Variants in CNTN1 observed in about 807,000 individuals in gnomAD.
CNTN1 encodes the protein contactin 1.
A neutral mutation model predicts 126.4 loss-of-function variants in CNTN1; 38 were observed. The observed-to-expected ratio is 0.30, with a 90% CI of 0.23 to 0.39. CNTN1 has a LOEUF of 0.39. Ranked by LOEUF, CNTN1 falls within the 10% of genes least tolerant of loss-of-function variation. The pLI, the probability that CNTN1 is intolerant of heterozygous loss-of-function variation, is 1.00. For missense variants in CNTN1, 1,009 were observed against 1,248.4 expected, an observed-to-expected ratio of 0.81 and a Z score of 2.89; for synonymous variants, 413 against 422.6, an observed-to-expected ratio of 0.98 and a Z score of 0.28.
At chr12:40,707,752 A>C (rs955804349) in intron 1 of CNTN1, among the ~76,000 whole-genome samples, 3 of 152,318 alleles carry the variant, frequency 2.0e-5, no homozygotes, top group Non-Finnish European at 4.4e-5. Context: ...TGTGAGATGA[A>C]GAGGAAAATA....
At chr12:41,059,850 C>A (rs976864850) in intron 23 of CNTN1, among the ~76,000 whole-genome samples, 1 of 152,012 alleles carries the variant, frequency 6.6e-6, no homozygotes, top group Non-Finnish European at 1.5e-5. Flanking sequence ...CATTGTGAGA[C>A]CCTATATCTA....
intron 16 of CNTN1, among the ~76,000 whole-genome samples, chr12:40,986,958 A>T (rs1466485758): frequency 1.3e-5 from 2 of 152,190 alleles, no homozygotes; most frequent in African/African-American, 4.8e-5. Flanking sequence ...ATCTGTGACT[A>T]CAACCTTCTT....
intron 16 of CNTN1, among the ~76,000 whole-genome samples, chr12:40,986,790 T>G (rs1464359376): frequency 2.0e-5 from 3 of 152,168 alleles, no homozygotes; most frequent in Non-Finnish European, 4.4e-5. Context: ...CCCCAAAACT[T>G]TCTTGAGTAC....
At position 41,015,310 on chromosome 12, in the gene CNTN1, G is replaced by A. The variant is rs571233833; in HGVS notation, c.2184+1012G>A. On this transcript the variant is annotated intron_variant, in intron 18 of 23. Transcript: ENST00000551295. The stretch of plus-strand genomic sequence containing the variant: ...TAGAACATTTCGCTCTTTCTCTTAT[G>A]GCTTTTTATAAATTCTGTGGATATC... Among the ~76,000 whole-genome samples the A allele has an allele frequency of 7.9e-5, 12 of 152,146 alleles. No individual in the cohort carries two copies. In the East Asian group the frequency reaches 2.3e-3, roughly 29 times the overall value.
At chr12:40,906,684 G>GTTTTTTTTTTTTTTTTTTTTT (rs1349048425) in intron 1 of CNTN1, among the ~76,000 whole-genome samples, 4 of 123,790 alleles carry the variant, frequency 3.2e-5, no homozygotes, top group Admixed American at 8.8e-5. Flanking sequence ...TTTTTGTTTT[G>GTTTTTTTTTTTTTTTTTTTTT]TTTTTTTTGA....
At chr12:40,964,747 G>A (rs1947245781) in intron 15 of CNTN1, among the ~76,000 whole-genome samples, 1 of 152,024 alleles carries the variant, frequency 6.6e-6, no homozygotes. Context: ...TAAACTCTTG[G>A]ATAAGTTAAA....
chr12:40,929,197 G>T (rs912337155), intron 6 of CNTN1, among the ~76,000 whole-genome samples: 1 of 151,898 alleles, frequency 6.6e-6, no homozygotes, highest in African/African-American at 2.4e-5. Context: ...GGAATTTCAT[G>T]TGGGTAAGAG....
chr12:40,939,765 A>T (rs1946201982), intron 12 of CNTN1, among the ~76,000 whole-genome samples: 1 of 152,100 alleles, frequency 6.6e-6, no homozygotes, highest in African/African-American at 2.4e-5. Context: ...GCCCAATGTC[A>T]CACAGCTAAT....
At chr12:40,701,616 A>G (rs1415534751) in intron 1 of CNTN1, among the ~76,000 whole-genome samples, 5 of 152,164 alleles carry the variant, frequency 3.3e-5, no homozygotes, top group African/African-American at 1.2e-4. Context: ...GTGGTGTAAT[A>G]TAATTTAAAA....
intron 1 of CNTN1, among the ~76,000 whole-genome samples, chr12:40,815,713 T>A (rs1284383140): frequency 6.6e-6 from 1 of 152,202 alleles, no homozygotes. Flanking sequence ...AGAAAGGGCA[T>A]CCTTGTCTTG....
At chr12:41,032,897 T>C (rs1949177291) in intron 23 of CNTN1, among the ~76,000 whole-genome samples, 1 of 152,244 alleles carries the variant, frequency 6.6e-6, no homozygotes, top group Admixed American at 6.5e-5. Context: ...CTATCTGGCA[T>C]GTAGCAGGGT....
chr12:40,953,796 A>G (rs1321301170), intron 14 of CNTN1, among the ~76,000 whole-genome samples: 2 of 152,112 alleles, frequency 1.3e-5, no homozygotes, highest in Non-Finnish European at 2.9e-5. Context: ...AAGAATGACC[A>G]CATTATTCCT....
chr12:40,813,306 G>T (rs1403794365), intron 1 of CNTN1, among the ~76,000 whole-genome samples: 1 of 150,436 alleles, frequency 6.6e-6, no homozygotes, highest in South Asian at 2.1e-4. Flanking sequence ...ATGGTGGTTT[G>T]CTACACCTAT....
chr12:41,057,288 G>C (rs1027552834), intron 23 of CNTN1, among the ~76,000 whole-genome samples: 1 of 148,808 alleles, frequency 6.7e-6, no homozygotes, highest in Non-Finnish European at 1.5e-5. Context: ...TCTAAAGAAA[G>C]AGCCATGTAT....
At chr12:40,888,806 G>C (rs539637797) in intron 1 of CNTN1, among the ~76,000 whole-genome samples, 23 of 152,340 alleles carry the variant, frequency 1.5e-4, no homozygotes, top group African/African-American at 5.5e-4. Context: ...AACAAGCTGG[G>C]TGGCTTTCCA....
At chr12:40,912,648 A>G (rs904945551) in intron 3 of CNTN1, among the ~76,000 whole-genome samples, 7 of 152,050 alleles carry the variant, frequency 4.6e-5, no homozygotes, top group Non-Finnish European at 7.4e-5. Flanking sequence ...AAAAAAAACT[A>G]TCTTCATTGC....
intron 16 of CNTN1, among the ~76,000 whole-genome samples, chr12:40,987,832 C>A (rs1300153214): frequency 2.6e-5 from 4 of 152,042 alleles, no homozygotes; most frequent in Admixed American, 1.3e-4. Flanking sequence ...AGTTTTTATT[C>A]CCATCATCAG....
chr12:41,003,107 A>C (rs1017870379), intron 17 of CNTN1, among the ~76,000 whole-genome samples: 1 of 152,206 alleles, frequency 6.6e-6, no homozygotes, highest in Non-Finnish European at 1.5e-5. Flanking sequence ...TATTATTTTG[A>C]GGTATGTTCC....
chr12:41,005,192 T>C (rs1566125533), intron 17 of CNTN1: 1 of 152,198 alleles, frequency 6.6e-6, no homozygotes, highest in Non-Finnish European at 1.5e-5. Flanking sequence ...CTTATGAAGC[T>C]TAGTTTGGCT....
Sources: allele counts gnomAD v4.1 joint callset (sites outside exome capture counted in the v4.1 genomes callset), GRCh38; gene constraint gnomAD v4.1.1; transcripts MANE v1.5; gene names NCBI Gene and HGNC (gene_info 2026-07-23, HGNC 2026-07-21).